The following CEP70 variants were observed in gnomAD, a reference collection of about 807,000 sequenced individuals.
The protein encoded by CEP70 is centrosomal protein of 70 kDa.
A neutral mutation model predicts 90.9 loss-of-function variants in CEP70; 70 were observed. The observed-to-expected ratio is 0.77, with a 90% CI of 0.64 to 0.94. CEP70 has a LOEUF of 0.94. Among genes scored for constraint, CEP70 ranks in the 40% least tolerant of loss-of-function variants. The probability of loss-of-function intolerance (pLI) is 0.00; values close to 1 mark genes in which losing one functional copy is unlikely to be tolerated. For synonymous variants in CEP70, 220 were observed against 228.3 expected (o/e 0.96, Z 0.33); for missense variants, 648 against 669.0 (o/e 0.97, Z 0.35).
At chr3:138,528,424 T>C (rs966057859) in intron 10 of CEP70, among the ~76,000 whole-genome samples, 3 of 152,226 alleles carry the variant, frequency 2.0e-5, no homozygotes, top group African/African-American at 7.2e-5. Context: ...CATGTGCTCT[T>C]GTTCCTTTCA....
intron 2 of CEP70, among the ~76,000 whole-genome samples, chr3:138,591,169 C>T (rs1304262917): frequency 6.6e-6 from 1 of 152,004 alleles, no homozygotes; most frequent in Non-Finnish European, 1.5e-5. Context: ...AACTTGACAC[C>T]ACAAGTAGAA....
chr3:138,525,250 A>G (rs1371566333), intron 11 of CEP70, among the ~76,000 whole-genome samples: 1 of 146,048 alleles, frequency 6.8e-6, no homozygotes, highest in African/African-American at 2.5e-5. Context: ...AACACCATAC[A>G]CTGGGGCCTG....
rs1238840625 is a variant in CEP70, at chr3:138,494,687, T to C, written c.*328A>G. 5.3e-6 allele frequency: 1 copy of C among 188,516 alleles called. No individual in the cohort carries two copies. The highest frequency in any genetic ancestry group is 6.1e-5 in the Admixed American group (1 of 16,282). 11.7% of individuals were successfully genotyped at this position (188,516 alleles called of 1,614,324 possible). The stretch of plus-strand genomic sequence containing the variant: ...ATTATTACAAGCTGAATCTAAAAGA[T>C]TGCAACCTACTACTTGCAATCTGTC... On this transcript the variant is annotated 3_prime_UTR_variant, in exon 18 of 18. Transcript: ENST00000264982.
At position 138,505,449 on chromosome 3, in the gene CEP70, T is replaced by C. The variant is rs776861868; in HGVS notation, c.1067A>G (p.Asn356Ser). Residue 356 changes from asparagine to serine, a missense_variant, in exon 13 of 18, where the codon AAT (asparagine) becomes AGT (serine). Coordinates refer to ENST00000264982, the MANE Select transcript of CEP70 (RefSeq NM_024491.4). ...QRYFQVLCSI[N>S]SIIHNPRAPV... The stretch of plus-strand genomic sequence containing the variant: ...AGCTCTTGGATTGTGGATAATTGAA[T>C]TGATGCTACACAGCACCTTTAAAAA... 1.3e-5 allele frequency: 21 copies of C among 1,604,456 alleles called. No individual in the cohort carries two copies. Among genetic ancestry groups the C allele is most frequent in the African/African-American group, 2.7e-5 (2 of 74,466 alleles).
chr3:138,571,165 TA>T lies in CEP70; in HGVS notation c.161-9del. 1 of 1,577,424 alleles carries T rather than the reference TA, an allele frequency of 6.3e-7. No individual in the cohort carries two copies. Among genetic ancestry groups the T allele is most frequent in the Non-Finnish European group, 8.6e-7 (1 of 1,159,560 alleles). ...TGTCAAAAATGATGAGATCTACATT[TA>T]AAAAGTATATAATACAGATAGTAAA... On this transcript the variant is annotated splice_polypyrimidine_tract_variant and intron_variant, in intron 4 of 17. Transcript: ENST00000264982.
At chr3:138,509,941 G>T (rs1042036175) in intron 11 of CEP70, among the ~76,000 whole-genome samples, 1 of 152,088 alleles carries the variant, frequency 6.6e-6, no homozygotes, top group African/African-American at 2.4e-5. Flanking sequence ...TGCAAGAGTA[G>T]TCATGTTAGC....
chr3:138,531,223 C>T (rs2037784770), intron 8 of CEP70, among the ~76,000 whole-genome samples: 1 of 152,140 alleles, frequency 6.6e-6, no homozygotes, highest in Non-Finnish European at 1.5e-5. Context: ...ACCACCACTC[C>T]AATGGCCTCA....
intron 10 of CEP70, among the ~76,000 whole-genome samples, chr3:138,526,953 A>C (rs997855134): frequency 2.6e-5 from 4 of 152,186 alleles, no homozygotes; most frequent in Non-Finnish European, 5.9e-5. Flanking sequence ...GTAATTTGTC[A>C]ATTAGCAATT....
At chr3:138,544,509 G>GTGTATGTATGTATGTA (rs34978232) in intron 6 of CEP70, among the ~76,000 whole-genome samples, 39 of 149,086 alleles carry the variant, frequency 2.6e-4, no homozygotes, top group African/African-American at 9.0e-4. Flanking sequence ...ACTACAGAGT[G>GTGTATGTATGTATGTA]TGTATGTATG....
At chr3:138,579,509 A>G (rs1413087124) in intron 2 of CEP70, among the ~76,000 whole-genome samples, 1 of 151,626 alleles carries the variant, frequency 6.6e-6, no homozygotes. Context: ...TTTGTCTTGC[A>G]ACTCGGATAC....
At chr3:138,550,387 G>C (rs906639508) in intron 6 of CEP70, among the ~76,000 whole-genome samples, 2 of 152,306 alleles carry the variant, frequency 1.3e-5, no homozygotes, top group South Asian at 4.1e-4. Context: ...TTTTGAGACG[G>C]AGTTTCGCTC....
intron 6 of CEP70, among the ~76,000 whole-genome samples, chr3:138,560,472 T>C (rs1288318803): frequency 1.3e-5 from 2 of 151,514 alleles, no homozygotes; most frequent in Admixed American, 1.3e-4. Context: ...CAGGAGTTTT[T>C]GTTTTTTTTT....
chr3:138,572,402 T>C (rs1193607228), intron 3 of CEP70, among the ~76,000 whole-genome samples: 1 of 152,226 alleles, frequency 6.6e-6, no homozygotes, highest in Non-Finnish European at 1.5e-5. Context: ...ACATTGATGT[T>C]GTTTTAGGAG....
chr3:138,592,849 T>C (rs1354004701), intron 1 of CEP70: 5 of 152,234 alleles, frequency 3.3e-5, no homozygotes, highest in Non-Finnish European at 7.3e-5. Context: ...TTCAAAAGTA[T>C]ATACTTCAAA....
intron 6 of CEP70, among the ~76,000 whole-genome samples, chr3:138,557,002 A>G (rs2040057822): frequency 1.3e-5 from 2 of 152,098 alleles, no homozygotes; most frequent in Non-Finnish European, 2.9e-5. Flanking sequence ...TAAGCCTGGG[A>G]GTGCTATGGG....
rs1353667610 is a variant in CEP70, at chr3:138,539,185, G to C, written c.466-1838C>G. ...GGATAGTTGCGTACCATCACACCTG[G>C]ATAGTTTTTGTATTTTTAGTAGAGA... On this transcript the variant is annotated intron_variant, in intron 6 of 17. Transcript: ENST00000264982. 2.6e-5 allele frequency among the ~76,000 whole-genome samples: 4 copies of C among 152,198 alleles called. No individual in the cohort carries two copies. The South Asian group carries it at 6.2e-4, about 24-fold the overall frequency.
In CEP70 at chr3:138,542,231, G is replaced by C. The variant is rs947083523; in HGVS notation, c.466-4884C>G. ...ACCAGCACAGGCACTGGCTCCATGT[G>C]AGACTGTGGCTGGACCAGATGTACT... On this transcript the variant is annotated intron_variant, in intron 6 of 17. Coordinates refer to ENST00000264982, the MANE Select transcript of CEP70 (RefSeq NM_024491.4). Among the ~76,000 whole-genome samples, 5 of 152,208 alleles carry C rather than the reference G, an allele frequency of 3.3e-5. No homozygotes were observed. The South Asian group carries it at 6.2e-4, about 19-fold the overall frequency.
intron 17 of CEP70, chr3:138,496,781 A>G: frequency 5.1e-6 from 5 of 985,434 alleles, no homozygotes; most frequent in Non-Finnish European, 6.0e-6. Context: ...ACTTTGACCA[A>G]ATTACAGAAT....
chr3:138,516,131 A>G (rs1329118273), intron 11 of CEP70, among the ~76,000 whole-genome samples: 5 of 152,172 alleles, frequency 3.3e-5, no homozygotes, highest in Non-Finnish European at 7.3e-5. Context: ...TACTTATAGC[A>G]TATCGAAATT....
Sources: gnomAD v4.1 joint callset for allele counts (sites outside exome capture counted in the v4.1 genomes callset) on GRCh38, gnomAD v4.1.1 for gene constraint, MANE v1.5 for transcripts, NCBI Gene and HGNC (gene_info 2026-07-23, HGNC 2026-07-21) for gene names.